The following QSOX1 variants were observed in gnomAD, a reference collection of about 807,000 sequenced individuals.
QSOX1 encodes the protein sulfhydryl oxidase 1.
QSOX1 carries 40 observed loss-of-function variants against 76.1 expected under a neutral mutation model. The ratio of observed to expected loss-of-function variants is 0.53; its 90% confidence interval spans 0.41 to 0.68. QSOX1 has a LOEUF of 0.68. Among genes scored for constraint, QSOX1 ranks in the 30% least tolerant of loss-of-function variants. The pLI, the probability that QSOX1 is intolerant of heterozygous loss-of-function variation, is 0.00. For missense variants in QSOX1, 931 were observed against 974.3 expected (o/e 0.96, Z 0.59); for synonymous variants, 392 against 413.1 (o/e 0.95, Z 0.62).
At chr1:180,180,265 C>CAATG (rs1473572669) in intron 5 of QSOX1, among the ~76,000 whole-genome samples, 3 of 152,356 alleles carry the variant, frequency 2.0e-5, no homozygotes, top group Admixed American at 2.0e-4. Flanking sequence ...GGCTGGAGTG[C>CAATG]AATGGCACTG....
chr1:180,177,498 G>C (rs1475129357), intron 4 of QSOX1, among the ~76,000 whole-genome samples: 1 of 152,178 alleles, frequency 6.6e-6, no homozygotes, highest in African/African-American at 2.4e-5. Context: ...CAGGCAATCG[G>C]CCTGCCTTGG....
intron 8 of QSOX1, among the ~76,000 whole-genome samples, chr1:180,186,495 T>G (rs1663176683): frequency 6.6e-6 from 1 of 152,168 alleles, no homozygotes; most frequent in Non-Finnish European, 1.5e-5. Context: ...GAGTCCTCAG[T>G]CAGAGCCCCA....
intron 10 of QSOX1, among the ~76,000 whole-genome samples, chr1:180,191,731 G>C (rs1164284868): frequency 6.6e-6 from 1 of 152,208 alleles, no homozygotes; most frequent in Non-Finnish European, 1.5e-5. Flanking sequence ...CCCTGTGGAG[G>C]GCCCGGTGCT....
chr1:180,196,323 T>C lies in QSOX1; in HGVS notation c.1530T>C (p.Ser510=), dbSNP rs61525912. The C allele has an allele frequency of 2.4e-4, 390 of 1,614,148 alleles. 2 individuals are homozygous for C. In the African/African-American group the frequency reaches 4.1e-3, roughly 17 times the overall value. Residue 510 remains serine, a synonymous_variant, in exon 12 of 12, where the codon TCT becomes TCC. Coordinates refer to ENST00000367602, the MANE Select transcript of QSOX1 (RefSeq NM_002826.5). The surrounding 1 kb of genome is among the most constrained non-coding windows in gnomAD (Gnocchi z 4.1). ...AGTGGCCACCCCGTGAACTTTGTTC[T>C]GCCTGCCACAATGAACGCCTGGATG... ...KVQWPPRELC[S]ACHNERLDVP...
intron 8 of QSOX1, among the ~76,000 whole-genome samples, chr1:180,187,409 T>G (rs10913942): frequency 0.14 from 21,127 of 152,138 alleles, 1,630 homozygotes; most frequent in Middle Eastern, 0.22. Context: ...AATCCAGAAC[T>G]GACCCACGTA....
rs916398491 is a variant in QSOX1 at position 180,196,198 on chromosome 1, G to A, written c.1469-64G>A. 4.5e-5 allele frequency: 69 copies of A among 1,540,294 alleles called. No individual in the cohort carries two copies. Among genetic ancestry groups the A allele is most frequent in the Non-Finnish European group, 5.6e-5 (64 of 1,138,098 alleles). On this transcript the variant is annotated intron_variant, in intron 11 of 11. Coordinates refer to ENST00000367602, the MANE Select transcript of QSOX1 (RefSeq NM_002826.5). The surrounding 1 kb of genome is among the most constrained non-coding windows in gnomAD (Gnocchi z 4.1). Reference sequence around the variant, plus strand: ...GGAAGCTGGCGTTCTGAGTGGAGGAGTGTGGTCTGGGTTTTTGGGTGGGAC... The same window carrying A: ...GGAAGCTGGCGTTCTGAGTGGAGGAATGTGGTCTGGGTTTTTGGGTGGGAC...
At chr1:180,168,946 G>T (rs564671789) in intron 2 of QSOX1, among the ~76,000 whole-genome samples, 17 of 152,382 alleles carry the variant, frequency 1.1e-4, no homozygotes, top group African/African-American at 3.6e-4. Context: ...ATGCGAAGCA[G>T]GGGGAGGAGA....
intron 1 of QSOX1, among the ~76,000 whole-genome samples, chr1:180,166,196 C>T (rs893270110): frequency 5.3e-5 from 8 of 152,230 alleles, no homozygotes; most frequent in Admixed American, 2.0e-4. Flanking sequence ...CCTTCAACAT[C>T]TCTCAGCCCC....
Position 180,183,955 on chromosome 1 carries a change from G to C in QSOX1, c.792G>C (p.Gln264His), listed in dbSNP as rs779163826. ...GGTCCTTCTATACCGCTTACCTGCA[G>C]AGACTCTCTGGGCTCACCAGGGAGG... ...ESRSFYTAYL[Q>H]RLSGLTREAA... The change falls in exon 7 of 12, where the codon CAG (glutamine) becomes CAC (histidine). Residue 264 changes from glutamine to histidine, a missense_variant. Physicochemically the swap from Gln to His is conservative, Grantham distance 24 (BLOSUM62 0). Coordinates refer to ENST00000367602, the MANE Select transcript of QSOX1 (RefSeq NM_002826.5). The C allele has an allele frequency of 6.2e-7, 1 of 1,613,724 alleles. No individual in the cohort carries two copies. The highest frequency in any genetic ancestry group is 1.3e-5 in the African/African-American group (1 of 74,908).
At chr1:180,170,067 G>A (rs1662725930) in intron 2 of QSOX1, among the ~76,000 whole-genome samples, 1 of 152,200 alleles carries the variant, frequency 6.6e-6, no homozygotes, top group Admixed American at 6.5e-5. Flanking sequence ...CGTCCAGCTG[G>A]GCAGAGGCTC....
chr1:180,154,914 A>C lies in QSOX1; in HGVS notation c.7A>C (p.Arg3=). The C allele has an allele frequency of 3.4e-6, 5 of 1,452,236 alleles. No individual in the cohort carries two copies. Among genetic ancestry groups the C allele is most frequent in the African/African-American group, 1.5e-5 (1 of 67,414 alleles). The allele number at this position is 1,452,236 out of a possible 1,614,324, so 90.0% of individuals were successfully genotyped here. The change falls in exon 1 of 12, where the codon AGG becomes CGG. Residue 3 remains arginine, a synonymous_variant. Coordinates refer to ENST00000367602, the MANE Select transcript of QSOX1 (RefSeq NM_002826.5). MR[R]CNSGSGPPPS... Reference sequence around the variant, plus strand: ...GGTGAGCGCAGCGCCGAGGATGAGGAGGTGCAACAGCGGCTCCGGGCCGCC... The same window carrying C: ...GGTGAGCGCAGCGCCGAGGATGAGGCGGTGCAACAGCGGCTCCGGGCCGCC...
chr1:180,189,403 G>T (rs755345477), intron 8 of QSOX1, 149 bp from the exon 9 acceptor site: 78 of 730,308 alleles, frequency 1.1e-4, no homozygotes, highest in Admixed American at 8.9e-4. Context: ...ATGTTTTCCT[G>T]GTGGTTTTGG....
intron 2 of QSOX1, among the ~76,000 whole-genome samples, chr1:180,170,627 C>T (rs968096319): frequency 1.3e-5 from 2 of 152,190 alleles, no homozygotes; most frequent in Admixed American, 1.3e-4. Flanking sequence ...GCTGACTGCT[C>T]CTGGAGAAAA....
chr1:180,197,440 G>C lies in QSOX1; in HGVS notation c.*403G>C, dbSNP rs767477942. On this transcript the variant is annotated 3_prime_UTR_variant, in exon 12 of 12. Coordinates refer to ENST00000367602, the MANE Select transcript of QSOX1 (RefSeq NM_002826.5). ...CAGAGGAGGGTCCCCCAGCTGGGTGGGCTGGAATGGAACTCCTCACTAGCT... is the reference window on the plus strand; with the variant it reads ...CAGAGGAGGGTCCCCCAGCTGGGTGCGCTGGAATGGAACTCCTCACTAGCT... The C allele has an allele frequency of 1.3e-4, 204 of 1,558,206 alleles. 1 individual carries two copies. The highest frequency in any genetic ancestry group is 1.6e-4 in the Non-Finnish European group (186 of 1,134,286).
Position 180,187,611 on chromosome 1 carries a change from G to A in QSOX1, c.1017+1429G>A, listed in dbSNP as rs749994150. Among the ~76,000 whole-genome samples the A allele has an allele frequency of 2.6e-5, 4 of 152,380 alleles. No homozygotes were observed. The East Asian group carries it at 7.7e-4, about 29-fold the overall frequency. On this transcript the variant is annotated intron_variant, in intron 8 of 11. Coordinates refer to ENST00000367602, the MANE Select transcript of QSOX1 (RefSeq NM_002826.5). ...GTCCCCAGTGGGGCTGTTTGCAGCC[G>A]GTATGGGGGAAAAGAATGAGATACA...
chr1:180,191,129 G>A (rs1663298569), intron 10 of QSOX1, among the ~76,000 whole-genome samples: 2 of 152,170 alleles, frequency 1.3e-5, no homozygotes, highest in African/African-American at 4.8e-5. Context: ...TGCTTTTGAA[G>A]ACTGAAAGGA....
chr1:180,185,742 A>G (rs1487303224), intron 7 of QSOX1, among the ~76,000 whole-genome samples: 1 of 152,130 alleles, frequency 6.6e-6, no homozygotes, highest in African/African-American at 2.4e-5. Context: ...TGGAGAGAGA[A>G]AACTCCTACT....
chr1:180,198,364 A>G lies in QSOX1; in HGVS notation c.*1327A>G. On this transcript the variant is annotated 3_prime_UTR_variant, in exon 12 of 12. Transcript: ENST00000367602. ...CAGGAAGCAAGGGCTTGTTTGTCAG[A>G]GCTGCAGGGTTGGCCACTCGGTGGG... 1 of 456,636 alleles carries G rather than the reference A, an allele frequency of 2.2e-6. No individual in the cohort carries two copies. Among genetic ancestry groups the G allele is most frequent in the South Asian group, 1.5e-5 (1 of 64,548 alleles). The allele number at this position is 456,636 out of a possible 1,614,324, so 28.3% of individuals were successfully genotyped here.
At chr1:180,195,525 C>A (rs1003227287) in intron 11 of QSOX1, among the ~76,000 whole-genome samples, 31 of 152,326 alleles carry the variant, frequency 2.0e-4, no homozygotes, top group African/African-American at 6.7e-4. Flanking sequence ...GATGCATTCC[C>A]TGGGCAACAC....
Sources: allele counts gnomAD v4.1 joint callset (sites outside exome capture counted in the v4.1 genomes callset), GRCh38; gene constraint gnomAD v4.1.1; non-coding constraint Gnocchi (gnomAD v3.1); transcripts MANE v1.5; gene names NCBI Gene and HGNC (gene_info 2026-07-23, HGNC 2026-07-21).